RPA1: variants seen among roughly 807,000 people sequenced by gnomAD.
The protein encoded by RPA1 is replication protein A1, also known as replication protein A 70 kDa DNA-binding subunit.
A neutral mutation model predicts 83.0 loss-of-function variants in RPA1; 49 were observed. The observed-to-expected ratio is 0.59, with a 90% CI of 0.47 to 0.75. The LOEUF (loss-of-function observed/expected upper bound fraction) is 0.75. RPA1 is among the 30% of genes least tolerant of loss of function. The pLI is 0.00. For missense variants in RPA1, 693 were observed against 776.1 expected (o/e 0.89, Z 1.27); for synonymous variants, 279 against 281.8 (o/e 0.99, Z 0.10).
At chr17:1,833,113 G>A (rs1343460540) in intron 1 of RPA1, among the ~76,000 whole-genome samples, 1 of 152,036 alleles carries the variant, frequency 6.6e-6, no homozygotes, top group Non-Finnish European at 1.5e-5. Context: ...TTTTAGTAGA[G>A]ACAGGGTTTC....
Position 1,858,436 on chromosome 17 carries a change from A to C in RPA1, c.361+5247A>C. ...ATGACGACCAACGTGTCTCAGCAAC[A>C]GCGCAGCCATCTTGGGTTCTGGTCT... is the stretch of plus-strand genomic sequence containing the variant. On this transcript the variant is annotated intron_variant, in intron 5 of 16. Coordinates refer to ENST00000254719, the MANE Select transcript of RPA1 (RefSeq NM_002945.5). The C allele has an allele frequency of 2.7e-6, 4 of 1,462,494 alleles. No homozygotes were observed. The South Asian group carries it at 3.4e-5, about 12-fold the overall frequency. 90.6% of individuals were successfully genotyped at this position (1,462,494 alleles called of 1,614,324 possible).
chr17:1,892,759 G>A (rs147816212), intron 15 of RPA1, among the ~76,000 whole-genome samples: 53 of 152,238 alleles, frequency 3.5e-4, no homozygotes, highest in Admixed American at 1.0e-3. Context: ...ATTCTTATGC[G>A]GTGACTTTCT....
intron 8 of RPA1, 54 bp from the exon 9 acceptor site, chr17:1,878,939 T>C (rs1212602770): frequency 6.4e-7 from 1 of 1,573,300 alleles, no homozygotes. Flanking sequence ...ACTTGGGTGC[T>C]GGGGTGGCCT....
chr17:1,861,995 A>G (rs981746305), intron 5 of RPA1, among the ~76,000 whole-genome samples: 5 of 151,256 alleles, frequency 3.3e-5, no homozygotes, highest in Admixed American at 1.3e-4. Context: ...CACCTCCCGG[A>G]TTCACGCCAT....
chr17:1,848,051 A>G (rs948449901), intron 4 of RPA1, among the ~76,000 whole-genome samples: 9 of 152,074 alleles, frequency 5.9e-5, no homozygotes, highest in African/African-American at 2.2e-4. Context: ...AATCCATAGA[A>G]ACAAATTCAA....
chr17:1,892,650 G>A (rs1298491429), intron 15 of RPA1, among the ~76,000 whole-genome samples: 1 of 152,082 alleles, frequency 6.6e-6, no homozygotes, highest in Non-Finnish European at 1.5e-5. Context: ...GTCAGATCCT[G>A]GTTAAAATGC....
At chr17:1,830,559 T>TG (rs369099101) in intron 1 of RPA1, 296 of 164,482 alleles carry the variant, frequency 1.8e-3, no homozygotes, top group African/African-American at 6.9e-3. Context: ...GCCTCCAAGT[T>TG]GCTAAATCCA....
intron 4 of RPA1, among the ~76,000 whole-genome samples, chr17:1,847,198 CA>C (rs1347724961): frequency 1.3e-5 from 2 of 152,166 alleles, no homozygotes; most frequent in Admixed American, 1.3e-4. Context: ...TTAATGTGGA[CA>C]GTCCTGTCCA....
chr17:1,887,884 C>G (rs1914055491), intron 13 of RPA1, among the ~76,000 whole-genome samples: 1 of 152,172 alleles, frequency 6.6e-6, no homozygotes, highest in Non-Finnish European at 1.5e-5. Flanking sequence ...CAGAGCGAGA[C>G]TCTGTCTCAA....
intron 15 of RPA1, among the ~76,000 whole-genome samples, chr17:1,892,455 A>G (rs1444884598): frequency 6.6e-6 from 1 of 152,230 alleles, no homozygotes; most frequent in Non-Finnish European, 1.5e-5. Context: ...CAGTGAAATA[A>G]TGTATATAAA....
At chr17:1,840,665 C>T (rs1293338305) in intron 1 of RPA1, among the ~76,000 whole-genome samples, 1 of 152,226 alleles carries the variant, frequency 6.6e-6, no homozygotes, top group African/African-American at 2.4e-5. Context: ...CTGCTTCCGT[C>T]TCCGAAATGC....
Position 1,897,242 on chromosome 17 carries a change from C to A in RPA1, c.*67C>A. 1 of 1,196,644 alleles carries A rather than the reference C, an allele frequency of 8.4e-7. No homozygotes were observed. The highest frequency in any genetic ancestry group is 1.2e-6 in the Non-Finnish European group (1 of 843,126). The allele number at this position is 1,196,644 out of a possible 1,614,324, so 74.1% of individuals were successfully genotyped here. On this transcript the variant is annotated 3_prime_UTR_variant, in exon 17 of 17. Transcript: ENST00000254719. Reference sequence around the variant, plus strand: ...AATGGAATCGATTTCCTCCCACCTCCGTGTGACGATCCCATGTTAGCTACA... The same window carrying A: ...AATGGAATCGATTTCCTCCCACCTCAGTGTGACGATCCCATGTTAGCTACA...
intron 4 of RPA1, among the ~76,000 whole-genome samples, chr17:1,846,225 A>C (rs1283961866): frequency 6.6e-6 from 1 of 151,422 alleles, no homozygotes; most frequent in Non-Finnish European, 1.5e-5. Flanking sequence ...CTTTACCCTC[A>C]GAATTTTGTC....
Position 1,830,055 on chromosome 17 carries a change from C to A in RPA1, c.-39C>A. Reference sequence around the variant, plus strand: ...CGGGACCCGGGTGGGGAAGCTGGAGCTGTTGCGGGGTCCGCGGGGAAGTCT... The same window carrying A: ...CGGGACCCGGGTGGGGAAGCTGGAGATGTTGCGGGGTCCGCGGGGAAGTCT... On this transcript the variant is annotated 5_prime_UTR_variant, in exon 1 of 17. It adds an upstream start codon to the 5' untranslated region. Transcript: ENST00000254719. 8.0e-7 allele frequency: 1 copy of A among 1,248,686 alleles called. No individual in the cohort carries two copies. The allele number at this position is 1,248,686 out of a possible 1,614,324, so 77.4% of individuals were successfully genotyped here.
At chr17:1,891,744 G>C in intron 14 of RPA1, 89 bp from the exon 15 acceptor site, 1 of 866,816 alleles carries the variant, frequency 1.2e-6, no homozygotes, top group Non-Finnish European at 1.8e-6. Flanking sequence ...ATTTTAATAA[G>C]TGGAAAAAGA....
intron 5 of RPA1, among the ~76,000 whole-genome samples, chr17:1,863,975 A>G (rs1478577317): frequency 2.6e-5 from 4 of 152,256 alleles, no homozygotes; most frequent in Non-Finnish European, 5.9e-5. Context: ...TTAAGTACAT[A>G]TATTAACTAA....
At chr17:1,892,331 A>C (rs938336987) in intron 15 of RPA1, among the ~76,000 whole-genome samples, 1 of 152,046 alleles carries the variant, frequency 6.6e-6, no homozygotes, top group Non-Finnish European at 1.5e-5. Context: ...TTTGCTGTTT[A>C]ATATTTTTTA....
intron 15 of RPA1, among the ~76,000 whole-genome samples, chr17:1,894,070 T>C (rs1402162883): frequency 6.6e-6 from 1 of 150,398 alleles, no homozygotes; most frequent in Non-Finnish European, 1.5e-5. Context: ...GGTTTTGCTA[T>C]GTTCCCCAGG....
intron 4 of RPA1, among the ~76,000 whole-genome samples, chr17:1,846,147 A>G (rs1912247289): frequency 6.6e-6 from 1 of 151,694 alleles, no homozygotes; most frequent in African/African-American, 2.4e-5. Flanking sequence ...CGTCTTCCCC[A>G]TTATCAGCCT....
Sources: allele counts gnomAD v4.1 joint callset (sites outside exome capture counted in the v4.1 genomes callset), GRCh38; gene constraint gnomAD v4.1.1; transcripts MANE v1.5; gene names NCBI Gene and HGNC (gene_info 2026-07-23, HGNC 2026-07-21).